Variants in PIK3C2B observed in about 807,000 individuals in gnomAD.
PIK3C2B encodes phosphatidylinositol-4-phosphate 3-kinase catalytic subunit type 2 beta.
A neutral mutation model predicts 184.3 loss-of-function variants in PIK3C2B; 83 were observed. The observed-to-expected ratio is 0.45, with a 90% CI of 0.38 to 0.54. The LOEUF (loss-of-function observed/expected upper bound fraction) is 0.54, where lower values mean the gene tolerates loss of function less well. Among genes scored for constraint, PIK3C2B ranks in the 20% least tolerant of loss-of-function variants. The pLI is 0.00. For synonymous variants in PIK3C2B, 779 were observed against 837.6 expected, an observed-to-expected ratio of 0.93 and a Z score of 1.21; for missense variants, 1,736 against 2,113.5, an observed-to-expected ratio of 0.82 and a Z score of 3.50.
chr1:204,459,091 TAC>T (rs35834317), intron 8 of PIK3C2B, among the ~76,000 whole-genome samples: 137,685 of 152,104 alleles, frequency 0.91, 63,645 homozygotes, highest in Non-Finnish European at 1. Context: ...CATAGCTCAC[TAC>T]ACAGCCCCAA....
At chr1:204,439,134 C>CT in intron 22 of PIK3C2B, 63 bp from the exon 23 acceptor site, 1 of 1,546,606 alleles carries the variant, frequency 6.5e-7, no homozygotes. Flanking sequence ...AGGGAGAGGA[C>CT]TACAAGGACT....
intron 23 of PIK3C2B, chr1:204,435,515 C>T (rs1385521749): frequency 6.6e-6 from 1 of 152,018 alleles, no homozygotes; most frequent in East Asian, 1.9e-4. Flanking sequence ...ATGGAATGCC[C>T]GCCCTCCTTG....
intron 16 of PIK3C2B, among the ~76,000 whole-genome samples, chr1:204,445,584 AG>A (rs1430248065): frequency 1.4e-5 from 2 of 143,558 alleles, no homozygotes; most frequent in Admixed American, 7.3e-5. Flanking sequence ...CCTGGGTGAC[AG>A]AGCAAGACCC....
chr1:204,478,526 G>T (rs1251083519), intron 1 of PIK3C2B, among the ~76,000 whole-genome samples: 1 of 152,218 alleles, frequency 6.6e-6, no homozygotes, highest in Non-Finnish European at 1.5e-5. Context: ...TTGATGGCAG[G>T]TCTATTACAG....
Position 204,424,427 on chromosome 1 carries a change from G to A in PIK3C2B, c.*425C>T, listed in dbSNP as rs1674638113. The A allele has an allele frequency of 3.0e-6, 1 of 328,368 alleles. No individual in the cohort carries two copies. Among genetic ancestry groups the A allele is most frequent in the Non-Finnish European group, 6.1e-6 (1 of 164,770 alleles). The allele number at this position is 328,368 out of a possible 1,614,324, so 20.3% of individuals were successfully genotyped here. A position where few individuals can be genotyped will look rare whatever the true frequency, so the allele number is the denominator to read the frequency against. ...TTCCTCTCTTGCCTTCTGGGGCATAGGTACGTCCCTTCTCGCAAGGCTTCC... is the reference window on the plus strand; with the variant it reads ...TTCCTCTCTTGCCTTCTGGGGCATAAGTACGTCCCTTCTCGCAAGGCTTCC... On this transcript the variant is annotated 3_prime_UTR_variant, in exon 33 of 33. Transcript: ENST00000684373.
At chr1:204,487,198 C>T (rs1217734875) in intron 1 of PIK3C2B, among the ~76,000 whole-genome samples, 3 of 152,124 alleles carry the variant, frequency 2.0e-5, no homozygotes, top group African/African-American at 7.2e-5. Context: ...CTCAAACTCC[C>T]CAGGTCAAGT....
intron 5 of PIK3C2B, 37 bp downstream of exon 5, chr1:204,463,975 C>T (rs1655543387): frequency 1.2e-6 from 2 of 1,606,638 alleles, no homozygotes; most frequent in Non-Finnish European, 1.7e-6. Context: ...ATCTTACTAC[C>T]AGGAAGGCAG....
In PIK3C2B at chr1:204,460,566, C is replaced by T. The variant is rs752561292; in HGVS notation, c.1406G>A (p.Ser469Asn). 1.2e-6 allele frequency: 2 copies of T among 1,613,968 alleles called. No individual in the cohort carries two copies. The highest frequency in any genetic ancestry group is 2.2e-5 in the South Asian group (2 of 91,072). ...CACACGAACCGTCCGGGCCAGGTCA[C>T]TGCGCACAACCTTCTGCTCCATCAG... Reference protein sequence around the residue: ...LQLMEQKVVRSDLARTVNDDQ... With the variant: ...LQLMEQKVVRNDLARTVNDDQ... Residue 469 changes from serine to asparagine, a missense_variant, in exon 6 of 33, where the codon AGT (serine) becomes AAT (asparagine). Around this residue, in one of 8 missense-constraint regions of PIK3C2B, gnomAD observed 609 missense variants for 699.2 expected, o/e 0.87. Coordinates refer to ENST00000684373, the MANE Select transcript of PIK3C2B (RefSeq NM_001377334.1).
intron 1 of PIK3C2B, among the ~76,000 whole-genome samples, chr1:204,481,983 G>A (rs903520096): frequency 6.6e-6 from 1 of 152,154 alleles, no homozygotes; most frequent in African/African-American, 2.4e-5. Context: ...GAGAGGTCAA[G>A]GTGTTAGTCC....
intron 23 of PIK3C2B, chr1:204,435,271 G>T (rs1196963639): frequency 6.6e-6 from 1 of 152,190 alleles, no homozygotes; most frequent in East Asian, 1.9e-4. Context: ...CAGGAGAGGA[G>T]TGGTGAGGGG....
intron 3 of PIK3C2B, among the ~76,000 whole-genome samples, chr1:204,464,809 T>C (rs564854947): frequency 1.3e-5 from 2 of 152,290 alleles, no homozygotes; most frequent in Non-Finnish European, 2.9e-5. Flanking sequence ...AATTGCAAAA[T>C]GTTTCCCACC....
intron 23 of PIK3C2B, chr1:204,435,205 G>GAA (rs34286359): frequency 6.6e-6 from 1 of 152,094 alleles, no homozygotes; most frequent in Non-Finnish European, 1.5e-5. Flanking sequence ...TTTTACACTT[G>GAA]AAAATGGGAC....
intron 2 of PIK3C2B, chr1:204,466,771 G>A (rs371391192): frequency 5.6e-5 from 28 of 500,408 alleles, no homozygotes; most frequent in Admixed American, 2.7e-4. Context: ...AGCCACTTAC[G>A]TTTGCCCAGC....
At chr1:204,484,816 T>C (rs1657458807) in intron 1 of PIK3C2B, among the ~76,000 whole-genome samples, 1 of 151,602 alleles carries the variant, frequency 6.6e-6, no homozygotes, top group African/African-American at 2.4e-5. Flanking sequence ...CCAGAACATT[T>C]CACTCTCCCA....
rs1051994571 is a variant in PIK3C2B, at chr1:204,457,964, G to A, written c.1567-90C>T. On this transcript the variant is annotated intron_variant, in intron 8 of 32. Transcript: ENST00000684373. ...CCCACCCCAGTCTTTAAAGGAAAGG[G>A]TTGGGAAGAGTAGAGAGATTCATGA... is the stretch of plus-strand genomic sequence containing the variant. 2.4e-5 allele frequency: 28 copies of A among 1,148,160 alleles called. No individual in the cohort carries two copies. The Admixed American group carries it at 5.7e-4, about 24-fold the overall frequency. The allele number at this position is 1,148,160 out of a possible 1,614,324, so 71.1% of individuals were successfully genotyped here.
Position 204,433,706 on chromosome 1 carries a change from G to A in PIK3C2B, c.3843+87C>T, listed in dbSNP as rs374436343. ...TGGGGCTCAGAGAGGTAAATCTCTA[G>A]AAATCCTCTGCGGCAAGACAGGGAA... On this transcript the variant is annotated intron_variant, in intron 25 of 32. Coordinates refer to ENST00000684373, the MANE Select transcript of PIK3C2B (RefSeq NM_001377334.1). The surrounding 1 kb of genome is among the most constrained non-coding windows in gnomAD (Gnocchi z 5.0). 1.5e-6 allele frequency: 2 copies of A among 1,321,954 alleles called. No individual in the cohort carries two copies. Among genetic ancestry groups the A allele is most frequent in the African/African-American group, 2.9e-5 (2 of 68,872 alleles). 81.9% of individuals were successfully genotyped at this position (1,321,954 alleles called of 1,614,324 possible).
chr1:204,436,669 T>C (rs981267052), intron 23 of PIK3C2B, among the ~76,000 whole-genome samples: 3 of 152,276 alleles, frequency 2.0e-5, no homozygotes, highest in Admixed American at 1.3e-4. Flanking sequence ...CATTTATTTT[T>C]ATTATATTCT....
chr1:204,491,902 T>C (rs1222496748), intron 1 of PIK3C2B, among the ~76,000 whole-genome samples: 1 of 152,224 alleles, frequency 6.6e-6, no homozygotes, highest in Non-Finnish European at 1.5e-5. Context: ...GGAAGGTGTT[T>C]ATCCCTCCTC....
At position 204,457,747 on chromosome 1, in the gene PIK3C2B, A is replaced by C; in HGVS notation, c.1694T>G (p.Met565Arg). The C allele has an allele frequency of 6.2e-7, 1 of 1,609,814 alleles. No homozygotes were observed. The highest frequency in any genetic ancestry group is 8.5e-7 in the Non-Finnish European group (1 of 1,178,180). ...LNQLPPCPSR[M>R]QPKIQKDPSV... ...CTTTACCTTCTGAATTTTAGGCTGC[A>C]TGCGGGAGGGGCAGGGGGGCAGCTG... The change falls in exon 9 of 33, where the codon ATG becomes AGG. Residue 565 changes from methionine (M) to arginine (R), a missense_variant. Physicochemically the swap from Met to Arg is moderately conservative, Grantham distance 91. Transcript: ENST00000684373.
Sources: allele counts gnomAD v4.1 joint callset (sites outside exome capture counted in the v4.1 genomes callset), GRCh38; gene constraint gnomAD v4.1.1; regional missense constraint gnomAD v4.1.1; non-coding constraint Gnocchi (gnomAD v3.1); transcripts MANE v1.5; gene names NCBI Gene and HGNC (gene_info 2026-07-23, HGNC 2026-07-21).